NRXN1: variants seen among roughly 807,000 people sequenced by gnomAD.
NRXN1 encodes the protein neurexin 1, also known as neurexin-1.
Under a neutral mutation model 150.9 loss-of-function variants are expected in NRXN1, and 39 were observed. The observed-to-expected ratio is 0.26, with a 90% CI of 0.20 to 0.34. The LOEUF is 0.34. NRXN1 is among the 10% of genes least tolerant of loss of function. The pLI is 1.00. For synonymous variants in NRXN1, 924 were observed against 757.0 expected (o/e 1.22, Z -3.62); for missense variants, 1,815 against 1,949.9 (o/e 0.93, Z 1.30).
chr2:50,911,119 T>C (rs1684454017), intron 5 of NRXN1, among the ~76,000 whole-genome samples: 1 of 152,042 alleles, frequency 6.6e-6, no homozygotes, highest in Non-Finnish European at 1.5e-5. Context: ...AAGGGGATAA[T>C]TTTTGGATCC....
In NRXN1 at chr2:50,615,142, G is replaced by A. The variant is rs559273214; in HGVS notation, c.1320+4880C>T. On this transcript the variant is annotated intron_variant, in intron 8 of 22. Transcript: ENST00000401669. ...TCTAAGTGTAATTAAAGGCTGAGCC[G>A]ATCTAATTAGGTTGATGAAATTTTC... Among the ~76,000 whole-genome samples the A allele has an allele frequency of 5.3e-5, 8 of 152,220 alleles. No individual in the cohort carries two copies. In the East Asian group the frequency reaches 9.7e-4, roughly 18 times the overall value.
intron 5 of NRXN1, among the ~76,000 whole-genome samples, chr2:50,755,984 G>C (rs1701116558): frequency 6.6e-6 from 1 of 151,814 alleles, no homozygotes; most frequent in Admixed American, 6.6e-5. Flanking sequence ...AAGATATCTA[G>C]AGGGACAGAA....
At position 49,961,794 on chromosome 2, in the gene NRXN1, A is replaced by G. The variant is rs77954411; in HGVS notation, c.4129-18003T>C. ...CTTCCAAAGGTGAGTAGCACCAAAA[A>G]TATTTCCAAAGTGGATATGAAACAG... On this transcript the variant is annotated intron_variant, in intron 21 of 22. Coordinates refer to ENST00000401669, the MANE Select transcript of NRXN1 (RefSeq NM_001330078.2). Among the ~76,000 whole-genome samples the G allele has an allele frequency of 3.9e-3, 590 of 152,306 alleles. 4 individuals carry two copies. Among genetic ancestry groups the G allele is most frequent in the African/African-American group, 0.013 (559 of 41,570 alleles).
At chr2:50,802,500 T>TGGAAGGAAGGAAGGAAGGAAGGAAGGAA (rs749335750) in intron 5 of NRXN1, among the ~76,000 whole-genome samples, 4 of 88,330 alleles carry the variant, frequency 4.5e-5, no homozygotes, top group Admixed American at 1.4e-4. Context: ...GAAAGAGAAA[T>TGGAAGGAAGGAAGGAAGGAAGGAAGGAA]GGAAGGAAGG....
intron 17 of NRXN1, among the ~76,000 whole-genome samples, chr2:50,408,011 C>T (rs1418368701): frequency 2.6e-5 from 4 of 152,130 alleles, no homozygotes; most frequent in Non-Finnish European, 5.9e-5. Context: ...TAAATAATGA[C>T]AATGCACTCA....
intron 5 of NRXN1, among the ~76,000 whole-genome samples, chr2:50,881,710 T>C (rs1253996207): frequency 2.6e-5 from 4 of 151,838 alleles, no homozygotes; most frequent in African/African-American, 4.8e-5. Flanking sequence ...TATGTGCTTA[T>C]CAATAGATTT....
Position 50,570,704 on chromosome 2 carries a change from C to T in NRXN1, c.1321-17679G>A, listed in dbSNP as rs149434112. 1.4e-3 allele frequency among the ~76,000 whole-genome samples: 216 copies of T among 151,860 alleles called. 1 individual carries two copies. Among genetic ancestry groups the T allele is most frequent in the African/African-American group, 5.0e-3 (206 of 41,288 alleles). ...ACCCATCCAGACTGGAGGAAAACAA[C>T]CTATTTGATAACAAATTTATAACAT... On this transcript the variant is annotated intron_variant, in intron 8 of 22. Coordinates refer to ENST00000401669, the MANE Select transcript of NRXN1 (RefSeq NM_001330078.2).
intron 5 of NRXN1, among the ~76,000 whole-genome samples, chr2:50,847,816 G>C (rs1673898239): frequency 6.6e-6 from 1 of 152,110 alleles, no homozygotes; most frequent in Non-Finnish European, 1.5e-5. Context: ...ACCATCGAAA[G>C]GTGGCGGAGT....
intron 5 of NRXN1, among the ~76,000 whole-genome samples, chr2:50,658,816 T>C (rs967515637): frequency 3.1e-4 from 47 of 152,052 alleles, no homozygotes; most frequent in African/African-American, 1.1e-3. Context: ...TAGCCCAAGT[T>C]TGAAGAACTT....
chr2:50,104,259 C>A (rs1701349346), intron 18 of NRXN1, among the ~76,000 whole-genome samples: 1 of 152,016 alleles, frequency 6.6e-6, no homozygotes, highest in Non-Finnish European at 1.5e-5. Context: ...ATTTGGTGGA[C>A]TCTGACTATT....
At chr2:50,303,665 C>A (rs1409529081) in intron 17 of NRXN1, among the ~76,000 whole-genome samples, 1 of 152,094 alleles carries the variant, frequency 6.6e-6, no homozygotes, top group Non-Finnish European at 1.5e-5. Flanking sequence ...AAGCAGAATA[C>A]ACCACAAAAA....
intron 21 of NRXN1, among the ~76,000 whole-genome samples, chr2:49,959,846 A>G (rs554886582): frequency 5.9e-4 from 90 of 152,354 alleles, no homozygotes; most frequent in African/African-American, 2.0e-3. Context: ...TTAATAAAGT[A>G]GGCAAAACCC....
intron 18 of NRXN1, among the ~76,000 whole-genome samples, chr2:50,128,424 A>G (rs1017717195): frequency 6.6e-6 from 1 of 152,216 alleles, no homozygotes; most frequent in Admixed American, 6.5e-5. Flanking sequence ...TATCATCAGG[A>G]AACATGTGAG....
intron 5 of NRXN1, among the ~76,000 whole-genome samples, chr2:50,847,159 G>C (rs2105956988): frequency 6.6e-6 from 1 of 152,264 alleles, no homozygotes; most frequent in South Asian, 2.1e-4. Context: ...CCTAGGTTTT[G>C]TGGCCTGCTT....
rs544875693 is a variant in NRXN1, at chr2:49,940,643, A to G, written c.4216+3061T>C. On this transcript the variant is annotated intron_variant, in intron 22 of 22. Transcript: ENST00000401669. The stretch of plus-strand genomic sequence containing the variant: ...AAAATAGGAAAACATCATATAAACT[A>G]AGAATTTCATTAGAAGCTATCACAT... Among the ~76,000 whole-genome samples, 15 of 152,344 alleles carry G rather than the reference A, an allele frequency of 9.8e-5. No homozygotes were observed. In the South Asian group the frequency reaches 3.1e-3, roughly 32 times the overall value.
chr2:50,762,804 C>T (rs894355903), intron 5 of NRXN1, among the ~76,000 whole-genome samples: 1 of 151,734 alleles, frequency 6.6e-6, no homozygotes, highest in African/African-American at 2.4e-5. Context: ...ATAAACATGC[C>T]AGTTCATATG....
At chr2:51,026,341 T>C (rs559878675) in intron 2 of NRXN1, 2 of 1,421,524 alleles carry the variant, frequency 1.4e-6, no homozygotes, top group Admixed American at 3.8e-5. Context: ...ACTTAGCCAC[T>C]GATTCGTCTT....
chr2:50,329,252 G>T (rs868208352), intron 17 of NRXN1, among the ~76,000 whole-genome samples: 3 of 152,054 alleles, frequency 2.0e-5, no homozygotes, highest in African/African-American at 4.8e-5. Flanking sequence ...GTAATGCAAG[G>T]TAATGAACAG....
intron 21 of NRXN1, among the ~76,000 whole-genome samples, chr2:50,018,527 G>T (rs1445867039): frequency 1.3e-5 from 2 of 152,172 alleles, no homozygotes; most frequent in East Asian, 3.9e-4. Context: ...TACTTGCCAT[G>T]TTCTCATCCT....
Sources: allele counts gnomAD v4.1 joint callset (sites outside exome capture counted in the v4.1 genomes callset), GRCh38; gene constraint gnomAD v4.1.1; transcripts MANE v1.5; gene names NCBI Gene and HGNC (gene_info 2026-07-23, HGNC 2026-07-21).